The following FNBP1 variants were observed in gnomAD, a reference collection of about 807,000 sequenced individuals.
FNBP1 encodes formin-binding protein 1.
In FNBP1, 26 loss-of-function variants were observed where a neutral mutation model predicts 90.6. That is an observed-to-expected ratio of 0.29 (90% CI 0.21 to 0.40). FNBP1 has a LOEUF of 0.40. Among genes scored for constraint, FNBP1 ranks in the 10% least tolerant of loss-of-function variants. The probability of loss-of-function intolerance (pLI) is 1.00; values close to 1 mark genes in which losing one functional copy is unlikely to be tolerated. For missense variants in FNBP1, 635 were observed against 768.0 expected, an observed-to-expected ratio of 0.83 and a Z score of 2.05; for synonymous variants, 260 against 265.2, an observed-to-expected ratio of 0.98 and a Z score of 0.19.
chr9:129,898,107 G>T (rs908058695), intron 15 of FNBP1, among the ~76,000 whole-genome samples: 1 of 152,158 alleles, frequency 6.6e-6, no homozygotes, highest in Non-Finnish European at 1.5e-5. Flanking sequence ...TAGGATTACA[G>T]GCGTGAGCCA....
chr9:129,931,557 G>C (rs2042747044), intron 6 of FNBP1, among the ~76,000 whole-genome samples: 2 of 152,106 alleles, frequency 1.3e-5, no homozygotes, highest in South Asian at 4.1e-4. Flanking sequence ...AATGAGCCGA[G>C]ATCGCGCCAC....
chr9:129,891,538 TC>T (rs1232445338), intron 16 of FNBP1, among the ~76,000 whole-genome samples: 1 of 152,180 alleles, frequency 6.6e-6, no homozygotes, highest in Non-Finnish European at 1.5e-5. Context: ...TCCAATTCTC[TC>T]AGAAGGAAAC....
chr9:130,033,366 C>G (rs544328643), intron 1 of FNBP1, among the ~76,000 whole-genome samples: 9 of 152,188 alleles, frequency 5.9e-5, no homozygotes, highest in South Asian at 2.1e-4. Flanking sequence ...GCACCCACAC[C>G]GTTTGTCCCC....
chr9:129,994,439 C>T (rs1434262127), intron 2 of FNBP1, among the ~76,000 whole-genome samples: 1 of 152,032 alleles, frequency 6.6e-6, no homozygotes, highest in African/African-American at 2.4e-5. Context: ...GGCCAGGGGG[C>T]CTGCCAGGCT....
At chr9:130,046,862 A>G (rs1032272089), upstream of FNBP1, among the ~76,000 whole-genome samples, 4 of 151,700 alleles carry the variant, frequency 2.6e-5, no homozygotes, top group South Asian at 2.1e-4. Context: ...CGTACTCCAT[A>G]TATCTCTTCA....
intron 16 of FNBP1, among the ~76,000 whole-genome samples, chr9:129,893,862 G>A (rs2035381100): frequency 6.9e-6 from 1 of 145,970 alleles, no homozygotes; most frequent in South Asian, 2.1e-4. Context: ...GTTGCAGTGA[G>A]CCAAGATTGT....
At chr9:129,909,853 G>C (rs1266043820) in intron 11 of FNBP1, among the ~76,000 whole-genome samples, 1 of 152,164 alleles carries the variant, frequency 6.6e-6, no homozygotes, top group African/African-American at 2.4e-5. Flanking sequence ...CCAAAGTGCT[G>C]GGATTACAGG....
chr9:129,925,395 A>G (rs890205176), intron 8 of FNBP1, among the ~76,000 whole-genome samples: 13 of 151,276 alleles, frequency 8.6e-5, no homozygotes, highest in Non-Finnish European at 1.2e-4. Context: ...AGTCCCAGCT[A>G]CTCAGGAGGC....
chr9:129,912,990 T>G (rs1409083042), intron 11 of FNBP1, among the ~76,000 whole-genome samples: 1 of 152,006 alleles, frequency 6.6e-6, no homozygotes, highest in Non-Finnish European at 1.5e-5. Flanking sequence ...GAGGCCGAGG[T>G]GAGCGGATCA....
rs189615279 is a variant in FNBP1 at position 129,985,074 on chromosome 9, G to A, written c.141-5700C>T. 2.3e-4 allele frequency among the ~76,000 whole-genome samples: 35 copies of A among 152,082 alleles called. No homozygotes were observed. In the South Asian group the frequency reaches 3.3e-3, roughly 14 times the overall value. On this transcript the variant is annotated intron_variant, in intron 2 of 16. Coordinates refer to ENST00000446176, the MANE Select transcript of FNBP1 (RefSeq NM_015033.3). ...AAGAAATGACAGAGCTCAGAGTCTCGAAGCCAGGCCCTTTCGCGACCCTGA... is the reference window on the plus strand; with the variant it reads ...AAGAAATGACAGAGCTCAGAGTCTCAAAGCCAGGCCCTTTCGCGACCCTGA...
intron 1 of FNBP1, among the ~76,000 whole-genome samples, chr9:129,998,212 G>A (rs7031369): frequency 0.92 from 103,560 of 112,940 alleles, 47,105 homozygotes; most frequent in East Asian, 0.96. Flanking sequence ...AAAAAAAAAA[G>A]AAAAAAAATG....
At chr9:129,898,357 C>T (rs1026422572) in intron 15 of FNBP1, among the ~76,000 whole-genome samples, 1 of 152,140 alleles carries the variant, frequency 6.6e-6, no homozygotes, top group African/African-American at 2.4e-5. Context: ...CATCTAAGCT[C>T]CAGCCACACC....
At chr9:129,897,353 G>C (rs550649491) in intron 15 of FNBP1, among the ~76,000 whole-genome samples, 1 of 152,260 alleles carries the variant, frequency 6.6e-6, no homozygotes, top group South Asian at 2.1e-4. Flanking sequence ...CTGTTAACAG[G>C]GCAACAGGGT....
chr9:129,949,023 C>T (rs1051803390), intron 6 of FNBP1, among the ~76,000 whole-genome samples: 2 of 151,894 alleles, frequency 1.3e-5, no homozygotes, highest in Non-Finnish European at 2.9e-5. Flanking sequence ...CTCAATATCC[C>T]AAAACAGAGA....
At chr9:129,988,880 T>C (rs1198231696) in intron 2 of FNBP1, among the ~76,000 whole-genome samples, 2 of 152,172 alleles carry the variant, frequency 1.3e-5, no homozygotes, top group African/African-American at 4.8e-5. Context: ...CACGTTTATG[T>C]CTAAAATAAG....
the FNBP1 span, among the ~76,000 whole-genome samples, chr9:130,048,661 G>A: frequency 6.6e-6 from 1 of 150,480 alleles, no homozygotes; most frequent in Non-Finnish European, 1.5e-5. Context: ...TGTACATTTA[G>A]TAGAGACGGG....
upstream of FNBP1, among the ~76,000 whole-genome samples, chr9:130,043,498 T>G (rs1290184412): frequency 1.3e-5 from 2 of 152,240 alleles, no homozygotes; most frequent in African/African-American, 4.8e-5. Flanking sequence ...GGATCACCGA[T>G]GCTCCGCCGC....
In FNBP1 at chr9:129,900,709, C is replaced by T. The variant is rs981479253; in HGVS notation, c.1429-162G>A. On this transcript the variant is annotated intron_variant, in intron 13 of 16. Coordinates refer to ENST00000446176, the MANE Select transcript of FNBP1 (RefSeq NM_015033.3). This position sits in a 1 kb window ranked among gnomAD's most constrained non-coding sequence, Gnocchi z 4.1. ...ATTTAACCCAATGTGAGGAAGTCCA[C>T]GTGGGGGCAGAATGGCCACGTTTTC... 6.6e-6 allele frequency among the ~76,000 whole-genome samples: 1 copy of T among 152,230 alleles called. No homozygotes were observed. Among genetic ancestry groups the T allele is most frequent in the Non-Finnish European group, 1.5e-5 (1 of 68,038 alleles).
Position 130,042,995 on chromosome 9 carries a change from G to A in FNBP1, c.-20C>T. 8.2e-7 allele frequency: 1 copy of A among 1,225,168 alleles called. No individual in the cohort carries two copies. Among genetic ancestry groups the A allele is most frequent in the Non-Finnish European group, 1.0e-6 (1 of 983,540 alleles). The allele number at this position is 1,225,168 out of a possible 1,614,324, so 75.9% of individuals were successfully genotyped here. A position where few individuals can be genotyped will look rare whatever the true frequency, so the allele number is the denominator to read the frequency against. On this transcript the variant is annotated 5_prime_UTR_variant, in exon 1 of 17. Transcript: ENST00000446176. This position sits in a 1 kb window ranked among gnomAD's most constrained non-coding sequence, Gnocchi z 5.5. ...GCTCATGGTGCAGGGGACGCGAAGG[G>A]GCGCTCCGCGCGGCGGGCGCGGCTC...
Sources: gnomAD v4.1 joint callset for allele counts (sites outside exome capture counted in the v4.1 genomes callset) on GRCh38, gnomAD v4.1.1 for gene constraint, Gnocchi (gnomAD v3.1) non-coding constraint, MANE v1.5 for transcripts, NCBI Gene and HGNC (gene_info 2026-07-23, HGNC 2026-07-21) for gene names.